The following CCT3 variants were observed in gnomAD, a reference collection of about 807,000 sequenced individuals.
CCT3 encodes the protein T-complex protein 1 subunit gamma.
Under a neutral mutation model 65.3 loss-of-function variants are expected in CCT3, and 10 were observed. The ratio of observed to expected loss-of-function variants is 0.15; its 90% CI spans 0.09 to 0.26. The LOEUF (loss-of-function observed/expected upper bound fraction) is 0.26, where lower values mean the gene tolerates loss of function less well. Among genes scored for constraint, CCT3 ranks in the 10% least tolerant of loss-of-function variants. CCT3 has a pLI of 1.00. For missense variants in CCT3, 626 were observed against 708.7 expected, an observed-to-expected ratio of 0.88 and a Z score of 1.33; for synonymous variants, 225 against 242.3, an observed-to-expected ratio of 0.93 and a Z score of 0.66.
At position 156,317,934 on chromosome 1, in the gene CCT3, G is replaced by A. The variant is rs140529243; in HGVS notation, c.760-387C>T. ...TCACCACGTTAGCCAGGATGGTCTC[G>A]ATCTTCTGACTTCGTGATCCGCCCG... On this transcript the variant is annotated intron_variant, in intron 8 of 13. Coordinates refer to ENST00000295688, the MANE Select transcript of CCT3 (RefSeq NM_005998.5). Among the ~76,000 whole-genome samples, 12 of 152,024 alleles carry A rather than the reference G, an allele frequency of 7.9e-5. 1 individual carries two copies. The highest frequency in any genetic ancestry group is 2.7e-4 in the African/African-American group (11 of 41,482).
intron 5 of CCT3, among the ~76,000 whole-genome samples, chr1:156,326,524 C>T (rs1464399224): frequency 1.3e-5 from 2 of 151,484 alleles, no homozygotes; most frequent in African/African-American, 2.4e-5. Context: ...ATGGCACATG[C>T]CTGTATTCCT....
intron 10 of CCT3, among the ~76,000 whole-genome samples, chr1:156,314,765 G>A (rs1347661661): frequency 6.6e-6 from 1 of 152,100 alleles, no homozygotes; most frequent in Non-Finnish European, 1.5e-5. Flanking sequence ...ATGACTTGAT[G>A]GAGACGACTG....
intron 5 of CCT3, among the ~76,000 whole-genome samples, chr1:156,328,618 C>T (rs935377885): frequency 2.6e-5 from 4 of 151,588 alleles, no homozygotes; most frequent in East Asian, 3.9e-4. Context: ...GGATTAAGGG[C>T]GGTGCAAGAT....
intron 7 of CCT3, among the ~76,000 whole-genome samples, chr1:156,320,571 C>G (rs548927012): frequency 6.6e-6 from 1 of 152,110 alleles, no homozygotes; most frequent in East Asian, 1.9e-4. Context: ...AACATGAGAC[C>G]CTCATCTCTA....
At chr1:156,323,980 C>T (rs1198114740) in intron 6 of CCT3, among the ~76,000 whole-genome samples, 2 of 151,930 alleles carry the variant, frequency 1.3e-5, no homozygotes, top group Non-Finnish European at 2.9e-5. Context: ...CCAGGCTGGT[C>T]TTGAACTCCT....
intron 10 of CCT3, among the ~76,000 whole-genome samples, chr1:156,316,182 G>C (rs1016400125): frequency 1.3e-5 from 2 of 152,190 alleles, no homozygotes; most frequent in Non-Finnish European, 1.5e-5. Context: ...ATATAGTATA[G>C]CAACTATTTA....
chr1:156,334,947 A>C (rs1665272345), intron 2 of CCT3, 29 bp from the exon 3 acceptor site: 1 of 1,605,398 alleles, frequency 6.2e-7, no homozygotes, highest in African/African-American at 1.3e-5. Context: ...AAAATACGCA[A>C]GCACAAATCA....
chr1:156,335,733 A>G, intron 2 of CCT3, 94 bp downstream of exon 2: 1 of 999,386 alleles, frequency 1.0e-6, no homozygotes, highest in Non-Finnish European at 1.5e-6. Context: ...TGCCTACTCT[A>G]TAAAGTCTAG....
chr1:156,323,852 T>TC (rs1408638987), intron 6 of CCT3, among the ~76,000 whole-genome samples: 1 of 152,014 alleles, frequency 6.6e-6, no homozygotes, highest in Non-Finnish European at 1.5e-5. Flanking sequence ...AAACTCCGCC[T>TC]CCCGGGTTCA....
At chr1:156,328,148 G>A (rs1664929833) in intron 5 of CCT3, among the ~76,000 whole-genome samples, 2 of 140,546 alleles carry the variant, frequency 1.4e-5, no homozygotes, top group Non-Finnish European at 3.2e-5. Context: ...ACCCCTACTG[G>A]GAAGTGAGGA....
intron 5 of CCT3, among the ~76,000 whole-genome samples, chr1:156,327,283 C>CTCTCCCTCTCCACGG (rs1028286893): frequency 1.1e-4 from 16 of 152,068 alleles, no homozygotes; most frequent in Admixed American, 1.0e-3. Context: ...CCCCTCTCCC[C>CTCTCCCTCTCCACGG]TCTCCCTCTC....
chr1:156,311,259 A>G (rs1264029382), intron 11 of CCT3, 64 bp from the exon 12 acceptor site: 26 of 1,537,886 alleles, frequency 1.7e-5, no homozygotes, highest in Non-Finnish European at 2.3e-5. Flanking sequence ...GGAGGCACCA[A>G]AAGGACTTCC....
intron 5 of CCT3, among the ~76,000 whole-genome samples, chr1:156,326,767 T>C (rs1018515193): frequency 6.6e-6 from 1 of 152,050 alleles, no homozygotes; most frequent in Non-Finnish European, 1.5e-5. Context: ...ACTTTCTGGC[T>C]GGGAATGGTG....
intron 6 of CCT3, among the ~76,000 whole-genome samples, chr1:156,324,177 C>CGG (rs1490555735): frequency 1.3e-5 from 2 of 152,032 alleles, no homozygotes; most frequent in Non-Finnish European, 2.9e-5. Flanking sequence ...AAGCGATTCT[C>CGG]CTGCCTCAGC....
Position 156,312,030 on chromosome 1 carries a change from G to T in CCT3, c.1155+11C>A. The T allele has an allele frequency of 6.2e-7, 1 of 1,604,268 alleles. No homozygotes were observed. The highest frequency in any genetic ancestry group is 8.5e-7 in the Non-Finnish European group (1 of 1,175,934). On this transcript the variant is annotated intron_variant, in intron 11 of 13. Coordinates refer to ENST00000295688, the MANE Select transcript of CCT3 (RefSeq NM_005998.5). ...CTACTTCATCTGGTCATACATCCAA[G>T]GCTGACTCACCGAGAGAATCTCTTT...
At position 156,320,917 on chromosome 1, in the gene CCT3, C is replaced by G. The variant is rs1214579437; in HGVS notation, c.531G>C (p.Leu177=). The G allele has an allele frequency of 2.5e-6, 4 of 1,613,814 alleles. No individual in the cohort carries two copies. The highest frequency in any genetic ancestry group is 3.4e-6 in the Non-Finnish European group (4 of 1,179,896). Reference sequence around the variant, plus strand: ...CAAACTGTACCATCTTGACAGCATCCAGGGCAATGTTGCAAGCCAAAGATG... The same window carrying G: ...CAAACTGTACCATCTTGACAGCATCGAGGGCAATGTTGCAAGCCAAAGATG... ...RWSSLACNIA[L]DAVKMVQFEE... Residue 177 remains leucine, a synonymous_variant, in exon 7 of 14, where the codon CTG becomes CTC. Transcript: ENST00000295688.
chr1:156,325,960 G>C (rs1271385128), intron 5 of CCT3, among the ~76,000 whole-genome samples: 1 of 152,056 alleles, frequency 6.6e-6, no homozygotes, highest in African/African-American at 2.4e-5. Flanking sequence ...AAACTGACTT[G>C]TTTATTAGTA....
At chr1:156,332,858 A>G (rs974156782) in intron 5 of CCT3, 15 of 152,524 alleles carry the variant, frequency 9.8e-5, no homozygotes, top group African/African-American at 3.4e-4. Context: ...TAAATCAACT[A>G]TATATATTAA....
intron 10 of CCT3, among the ~76,000 whole-genome samples, chr1:156,316,299 G>A (rs543954592): frequency 1.7e-4 from 26 of 152,210 alleles, no homozygotes; most frequent in Middle Eastern, 3.4e-3. Context: ...TTTTATATAA[G>A]GGTTAAGCAT....
Sources: allele counts gnomAD v4.1 joint callset (sites outside exome capture counted in the v4.1 genomes callset), GRCh38; gene constraint gnomAD v4.1.1; transcripts MANE v1.5; gene names NCBI Gene and HGNC (gene_info 2026-07-23, HGNC 2026-07-21).